TANC2: variants seen among roughly 807,000 people sequenced by gnomAD.
TANC2 encodes the protein protein TANC2.
A neutral mutation model predicts 210.5 loss-of-function variants in TANC2; 26 were observed. That is an observed-to-expected ratio of 0.12 (90% CI 0.09 to 0.17). The LOEUF is 0.17. Among genes scored for constraint, TANC2 ranks in the 10% least tolerant of loss-of-function variants. The pLI, the probability that TANC2 is intolerant of heterozygous loss-of-function variation, is 1.00. For synonymous variants in TANC2, 931 were observed against 967.1 expected, an observed-to-expected ratio of 0.96 and a Z score of 0.69; for missense variants, 2,129 against 2,608.9, an observed-to-expected ratio of 0.82 and a Z score of 4.01.
chr17:63,238,013 A>G (rs1206906484), exon 8 of TANC2: 3 of 1,564,560 alleles, frequency 1.9e-6, no homozygotes, highest in South Asian at 1.2e-5. Context: ...ATTTGGAAAC[A>G]GTGTTATCTC....
chr17:63,350,755 A>G (rs2046577960), intron 12 of TANC2, among the ~76,000 whole-genome samples: 1 of 152,080 alleles, frequency 6.6e-6, no homozygotes, highest in Admixed American at 6.6e-5. Context: ...CCTTCCCACT[A>G]CACATTCACA....
chr17:63,299,981 A>T (rs994992287), intron 9 of TANC2, among the ~76,000 whole-genome samples: 1 of 152,166 alleles, frequency 6.6e-6, no homozygotes. Flanking sequence ...GAAGGGGTCC[A>T]GTTTCAGTTT....
chr17:63,108,773 C>T lies in TANC2; in HGVS notation c.322+9416C>T, dbSNP rs62076635. On this transcript the variant is annotated intron_variant, in intron 4 of 27. Transcript: ENST00000689528. ...GCAGTGAGCCAAGATCATGCGGCTG[C>T]ACTCCAGCCTGGTGACAGAGCAAGA... is the stretch of plus-strand genomic sequence containing the variant. Among the ~76,000 whole-genome samples, 31 of 151,464 alleles carry T rather than the reference C, an allele frequency of 2.0e-4. 1 individual carries two copies. The East Asian group carries it at 5.6e-3, about 27-fold the overall frequency.
At chr17:63,426,849 T>TCGCTAA (rs1213312341) in exon 28 of TANC2, 1 of 152,234 alleles carries the variant, frequency 6.6e-6, no homozygotes, top group Non-Finnish European at 1.5e-5. Context: ...CTTTTGCTAA[T>TCGCTAA]CGCTAACCAG....
chr17:63,149,599 A>G (rs1412858918), intron 4 of TANC2: 1 of 152,174 alleles, frequency 6.6e-6, no homozygotes, highest in Non-Finnish European at 1.5e-5. Context: ...AAGAGCCTTA[A>G]GGATTAAATT....
At chr17:63,025,067 C>T (rs1454913940) in intron 2 of TANC2, among the ~76,000 whole-genome samples, 1 of 152,076 alleles carries the variant, frequency 6.6e-6, no homozygotes. Flanking sequence ...TTAAATATGT[C>T]AGTTTCCTAT....
chr17:63,104,296 C>A (rs1483834884), intron 4 of TANC2, among the ~76,000 whole-genome samples: 2 of 152,086 alleles, frequency 1.3e-5, no homozygotes, highest in Non-Finnish European at 2.9e-5. Flanking sequence ...TCATAAAGAT[C>A]CTCAGCATAG....
intron 7 of TANC2, among the ~76,000 whole-genome samples, chr17:63,232,699 C>G (rs571196781): frequency 1.8e-4 from 28 of 152,212 alleles, no homozygotes; most frequent in Non-Finnish European, 2.2e-4. Context: ...AGGTGTCTGG[C>G]GACCCCTGTT....
rs1486855966 is a variant in TANC2, at chr17:63,412,031, G to A, written c.3799G>A (p.Glu1267Lys). 3.7e-6 allele frequency: 6 copies of A among 1,613,846 alleles called. No individual in the cohort carries two copies. Among genetic ancestry groups the A allele is most frequent in the African/African-American group, 1.3e-5 (1 of 75,008 alleles). ...CCTGGTAGATCATGGGGCCATGATC[G>A]AGCACGTTGACTACAGTGGAATGCG... Residue 1267 changes from glutamate (E) to lysine (K), a missense_variant, in exon 23 of 28, where the codon GAG becomes AAG. Glu to Lys is a moderately conservative substitution (Grantham distance 56). Around this residue, in one of 5 missense-constraint regions of TANC2, gnomAD observed 644 missense variants for 937.5 expected, o/e 0.69. Coordinates refer to ENST00000689528, the Ensembl canonical transcript of TANC2. This position sits in a 1 kb window ranked among gnomAD's most constrained non-coding sequence, Gnocchi z 4.2.
chr17:63,013,935 T>C (rs1004265608), intron 2 of TANC2, among the ~76,000 whole-genome samples: 2 of 152,052 alleles, frequency 1.3e-5, no homozygotes, highest in African/African-American at 2.4e-5. Context: ...ACTCCAGTTA[T>C]ACAATTGATA....
intron 5 of TANC2, among the ~76,000 whole-genome samples, chr17:63,167,884 C>CAAAGAAA (rs2040265394): frequency 1.6e-5 from 1 of 63,992 alleles, no homozygotes; most frequent in Non-Finnish European, 2.8e-5. Flanking sequence ...GACTCTGTCT[C>CAAAGAAA]AAAAAAAAAA....
intron 11 of TANC2, chr17:63,332,456 T>A: frequency 2.5e-6 from 1 of 397,734 alleles, no homozygotes. Flanking sequence ...GGACTCAAAG[T>A]GAGTAATCAG....
At chr17:63,381,290 CTGAGA>C (rs1598987201) in intron 15 of TANC2, 1 of 152,198 alleles carries the variant, frequency 6.6e-6, no homozygotes, top group East Asian at 1.9e-4. Flanking sequence ...GCATGGTTGC[CTGAGA>C]TAAGACTGGC....
chr17:62,994,998 A>C (rs1351890672), intron 1 of TANC2, among the ~76,000 whole-genome samples: 1 of 152,234 alleles, frequency 6.6e-6, no homozygotes, highest in African/African-American at 2.4e-5. Flanking sequence ...TATCTTCTTG[A>C]AAGATGATGC....
chr17:63,389,653 C>T (rs886621033), intron 17 of TANC2, 109 bp downstream of exon 17: 4 of 1,090,110 alleles, frequency 3.7e-6, no homozygotes, highest in Non-Finnish European at 5.4e-6. Flanking sequence ...GTATATCAAA[C>T]CATGATGGAG....
chr17:63,392,987 A>G, intron 17 of TANC2, among the ~76,000 whole-genome samples: 1 of 152,208 alleles, frequency 6.6e-6, no homozygotes, highest in East Asian at 1.9e-4. Context: ...CTATTAACTA[A>G]TCTACAGACC....
At chr17:63,204,992 G>A (rs1034166137) in intron 7 of TANC2, among the ~76,000 whole-genome samples, 7 of 152,230 alleles carry the variant, frequency 4.6e-5, no homozygotes, top group African/African-American at 1.4e-4. Context: ...GGCTGAGGCA[G>A]GAGAATCACT....
At chr17:63,189,862 T>C (rs2041125098) in intron 5 of TANC2, among the ~76,000 whole-genome samples, 1 of 152,252 alleles carries the variant, frequency 6.6e-6, no homozygotes, top group Admixed American at 6.5e-5. Context: ...TACCATGTTT[T>C]CTTCTAAGAG....
intron 21 of TANC2, among the ~76,000 whole-genome samples, chr17:63,410,860 C>CAAAAAAAA (rs34268418): frequency 2.6e-4 from 10 of 39,012 alleles, no homozygotes; most frequent in East Asian, 3.2e-3. Context: ...GACTCCATCT[C>CAAAAAAAA]AAAAAAAAAA....
Sources: gnomAD v4.1 joint callset for allele counts (sites outside exome capture counted in the v4.1 genomes callset) on GRCh38, gnomAD v4.1.1 for gene constraint, gnomAD v4.1.1 regional missense constraint, Gnocchi (gnomAD v3.1) non-coding constraint, MANE v1.5 for transcripts, NCBI Gene and HGNC (gene_info 2026-07-23, HGNC 2026-07-21) for gene names.